HSPA4: variants seen among roughly 807,000 people sequenced by gnomAD.
The protein encoded by HSPA4 is heat shock 70 kDa protein 4.
HSPA4 carries 25 observed loss-of-function variants against 106.2 expected under a neutral mutation model. The ratio of observed to expected loss-of-function variants is 0.24; its 90% CI spans 0.17 to 0.33. The LOEUF (loss-of-function observed/expected upper bound fraction) is 0.33, where lower values mean the gene tolerates loss of function less well. Ranked by LOEUF, HSPA4 falls within the 10% of genes least tolerant of loss-of-function variation. The pLI is 1.00. For synonymous variants in HSPA4, 332 were observed against 333.6 expected, an observed-to-expected ratio of 1.00 and a Z score of 0.05; for missense variants, 841 against 996.0, an observed-to-expected ratio of 0.84 and a Z score of 2.10.
Position 133,086,862 on chromosome 5 carries a change from A to C in HSPA4, c.985+4A>C, listed in dbSNP as rs1765584868. 6.2e-7 allele frequency: 1 copy of C among 1,602,560 alleles called. No homozygotes were observed. Among genetic ancestry groups the C allele is most frequent in the South Asian group, 1.1e-5 (1 of 90,790 alleles). ...CGTAGTGTTTTGGAACAAACCAGTA[A>C]GTATTTTTGTGATTGAATTTGTTTG... is the stretch of plus-strand genomic sequence containing the variant. On this transcript the variant is annotated splice_donor_region_variant and intron_variant, in intron 8 of 18. Transcript: ENST00000304858.
chr5:133,058,559 T>C (rs1230760671), intron 1 of HSPA4, among the ~76,000 whole-genome samples: 1 of 151,782 alleles, frequency 6.6e-6, no homozygotes, highest in African/African-American at 2.4e-5. Context: ...ATGCCTGTAA[T>C]CCCAGCTGAG....
chr5:133,092,816 T>TTTG (rs1765664135), intron 13 of HSPA4, 27 bp downstream of exon 13: 3 of 954,472 alleles, frequency 3.1e-6, no homozygotes, highest in African/African-American at 4.9e-5. Context: ...GTTTTTTTTT[T>TTTG]TTTTTTTTTT....
intron 16 of HSPA4, 144 bp downstream of exon 16, chr5:133,099,796 C>T (rs4301229): frequency 0.21 from 92,613 of 433,884 alleles, 10,796 homozygotes; most frequent in Middle Eastern, 0.23. Context: ...GACTTAGGCT[C>T]ATTATCATTC....
chr5:133,090,294 G>T (rs1440058384), intron 11 of HSPA4, among the ~76,000 whole-genome samples: 1 of 151,938 alleles, frequency 6.6e-6, no homozygotes, highest in Admixed American at 6.6e-5. Flanking sequence ...AGCCAGGTGT[G>T]GTGGCGGGCG....
chr5:133,075,899 A>G (rs1765441452), intron 6 of HSPA4: 1 of 152,214 alleles, frequency 6.6e-6, no homozygotes, highest in Non-Finnish European at 1.5e-5. Context: ...GATGTATTTC[A>G]TTCTAATTTT....
intron 18 of HSPA4, 64 bp from the exon 19 acceptor site, chr5:133,104,169 T>G: frequency 6.5e-7 from 1 of 1,548,868 alleles, no homozygotes; most frequent in Non-Finnish European, 8.9e-7. Context: ...GGATTTGGGT[T>G]TAGCATGGCT....
chr5:133,058,371 A>G (rs1765193801), intron 1 of HSPA4, among the ~76,000 whole-genome samples: 1 of 152,110 alleles, frequency 6.6e-6, no homozygotes, highest in Admixed American at 6.6e-5. Flanking sequence ...ACAGAGTGAG[A>G]ACCATCTCTT....
Position 133,085,769 on chromosome 5 carries a change from GGGATGAATAGTTGGAGCACAGGGAA to G in HSPA4, c.909-991_909-967del, listed in dbSNP as rs1285861523. Among the ~76,000 whole-genome samples the G allele has an allele frequency of 2.0e-3, 257 of 129,264 alleles. 1 individual carries two copies. Among genetic ancestry groups the G allele is most frequent in the African/African-American group, 0.01 (239 of 22,936 alleles). 84.8% of individuals were successfully genotyped at this position (129,264 alleles called of 152,430 possible). On this transcript the variant is annotated intron_variant, in intron 7 of 18. Coordinates refer to ENST00000304858, the MANE Select transcript of HSPA4 (RefSeq NM_002154.4). ...GGGATGAATAGTTGGAGCACAGGGA[GGGATGAATAGTTGGAGCACAGGGAA>G]GGATGAATAGTTGGAGCACAGTGAA...
intron 7 of HSPA4, among the ~76,000 whole-genome samples, chr5:133,080,285 T>A (rs1051075718): frequency 1.3e-5 from 2 of 151,724 alleles, no homozygotes; most frequent in Non-Finnish European, 2.9e-5. Context: ...TGTGGTGGTG[T>A]TCGCTTGTAG....
chr5:133,066,066 A>T (rs1240406302), intron 2 of HSPA4, among the ~76,000 whole-genome samples: 1 of 152,222 alleles, frequency 6.6e-6, no homozygotes, highest in Non-Finnish European at 1.5e-5. Context: ...GCAGGTAGAA[A>T]ATATTGGGCC....
chr5:133,098,613 G>A (rs1177439929), intron 15 of HSPA4, among the ~76,000 whole-genome samples: 3 of 151,806 alleles, frequency 2.0e-5, no homozygotes. Flanking sequence ...GTGAGTCACC[G>A]TGCCCGGTCT....
rs115939709 is a variant in HSPA4, at chr5:133,074,057, A to C, written c.594A>C (p.Val198=). ...CCTTAGAAGAGAAACCAAGAAATGT[A>C]GTTTTTGTAGACATGGGCCACTCTG... ...LPALEEKPRN[V]VFVDMGHSAY... Residue 198 remains valine (V), a synonymous_variant, in exon 6 of 19, where the codon GTA becomes GTC. Transcript: ENST00000304858. 4.0e-3 allele frequency: 6,389 copies of C among 1,607,874 alleles called. 141 individuals carry two copies. In the African/African-American group the frequency reaches 0.057, roughly 14 times the overall value.
At chr5:133,090,773 A>C (rs1483325878) in intron 11 of HSPA4, among the ~76,000 whole-genome samples, 6 of 152,218 alleles carry the variant, frequency 3.9e-5, no homozygotes, top group Admixed American at 2.6e-4. Flanking sequence ...AAATGTAAAT[A>C]AAAACCTTGT....
At chr5:133,086,949 A>AT (rs1765585723) in intron 8 of HSPA4, 91 bp downstream of exon 8, 1 of 1,009,104 alleles carries the variant, frequency 9.9e-7, no homozygotes, top group African/African-American at 1.6e-5. Context: ...AGTGATAGAA[A>AT]TTTTTATTGT....
chr5:133,076,974 TG>T, intron 7 of HSPA4, 76 bp downstream of exon 7: 2 of 1,256,770 alleles, frequency 1.6e-6, no homozygotes, highest in Non-Finnish European at 2.2e-6. Context: ...ATTGGCTAAT[TG>T]TTAAAATAAT....
At chr5:133,067,631 T>A in intron 3 of HSPA4, 74 bp downstream of exon 3, 1 of 1,252,822 alleles carries the variant, frequency 8.0e-7, no homozygotes, top group East Asian at 2.4e-5. Flanking sequence ...CTATCTGTAC[T>A]TTTCTGATGT....
chr5:133,079,657 A>G (rs1262745125), intron 7 of HSPA4, among the ~76,000 whole-genome samples: 1 of 152,196 alleles, frequency 6.6e-6, no homozygotes, highest in Non-Finnish European at 1.5e-5. Flanking sequence ...TTGCTGGCTT[A>G]TACAGCAATT....
At chr5:133,071,141 T>C (rs1765375727) in intron 4 of HSPA4, among the ~76,000 whole-genome samples, 1 of 152,070 alleles carries the variant, frequency 6.6e-6, no homozygotes, top group Non-Finnish European at 1.5e-5. Flanking sequence ...ACTTGTTCTG[T>C]ATTTGTATTT....
chr5:133,092,815 T>TTG (rs1765663998), intron 13 of HSPA4, 26 bp downstream of exon 13: 1 of 856,894 alleles, frequency 1.2e-6, no homozygotes, highest in African/African-American at 3.5e-5. Flanking sequence ...TGTTTTTTTT[T>TTG]TTTTTTTTTT....
Sources: gnomAD v4.1 joint callset for allele counts (sites outside exome capture counted in the v4.1 genomes callset) on GRCh38, gnomAD v4.1.1 for gene constraint, MANE v1.5 for transcripts, NCBI Gene and HGNC (gene_info 2026-07-23, HGNC 2026-07-21) for gene names.